Variants in KIF26A observed in about 807,000 individuals in gnomAD.
KIF26A encodes kinesin-like protein KIF26A.
KIF26A carries 74 observed loss-of-function variants against 126.0 expected under a neutral mutation model. The ratio of observed to expected loss-of-function variants is 0.59; its 90% CI spans 0.49 to 0.71. The LOEUF is 0.71. Among genes scored for constraint, KIF26A ranks in the 30% least tolerant of loss-of-function variants. KIF26A has a pLI of 0.00. For missense variants in KIF26A, 2,984 were observed against 2,763.3 expected (o/e 1.08, Z -1.79); for synonymous variants, 1,445 against 1,232.7 (o/e 1.17, Z -3.61).
rs2038002254 is a variant in KIF26A, at chr14:104,175,076, C to A, written c.2288C>A (p.Ala763Asp). 1.3e-6 allele frequency: 2 copies of A among 1,592,990 alleles called. No individual in the cohort carries two copies. Among genetic ancestry groups the A allele is most frequent in the Admixed American group, 1.7e-5 (1 of 57,572 alleles). ...CGGCCCTTCCACCCACGCACTGTGG[C>A]CCTGGACCCCGACCGCACGCCTCCC... Reference protein sequence around the residue: ...HLRPFHPRTVALDPDRTPPCL... With the variant: ...HLRPFHPRTVDLDPDRTPPCL... The change falls in exon 12 of 15, where the codon GCC (alanine) becomes GAC (aspartate). Residue 763 changes from alanine to aspartate, a missense_variant. Transcript: ENST00000423312.
chr14:104,147,270 CAG>C (rs1019654827), intron 2 of KIF26A, among the ~76,000 whole-genome samples: 13 of 152,172 alleles, frequency 8.5e-5, no homozygotes, highest in Non-Finnish European at 1.8e-4. Context: ...CGATGGAGGA[CAG>C]GGGAGGCCAT....
intron 2 of KIF26A, among the ~76,000 whole-genome samples, chr14:104,141,629 C>T (rs3892657): frequency 0.092 from 13,495 of 146,674 alleles, 669 homozygotes; most frequent in Middle Eastern, 0.15. Flanking sequence ...CTGCCTGTCT[C>T]CGTTGTAGAG....
At chr14:104,140,913 T>C (rs1270523761) in intron 2 of KIF26A, among the ~76,000 whole-genome samples, 1 of 152,188 alleles carries the variant, frequency 6.6e-6, no homozygotes, top group Non-Finnish European at 1.5e-5. Context: ...TTCTTCTGCT[T>C]TGTGGTCTCC....
chr14:104,175,938 G>A lies in KIF26A; in HGVS notation c.3150G>A (p.Arg1050=). 6.4e-7 allele frequency: 1 copy of A among 1,558,930 alleles called. No individual in the cohort carries two copies. The highest frequency in any genetic ancestry group is 8.6e-7 in the Non-Finnish European group (1 of 1,158,314). ...LSLGALAGAG[R]PTSLASFDSD... is the part of the protein sequence containing the mutation. The stretch of plus-strand genomic sequence containing the variant: ...TGGGGGCGCTTGCCGGAGCTGGGCG[G>A]CCCACCAGCCTGGCTAGCTTCGACA... The change falls in exon 12 of 15, where the codon CGG becomes CGA. Residue 1050 remains arginine, a synonymous_variant. Coordinates refer to ENST00000423312, the MANE Select transcript of KIF26A (RefSeq NM_015656.2).
Position 104,173,327 on chromosome 14 carries a change from C to A in KIF26A, c.1684-3C>A. 6.2e-7 allele frequency: 1 copy of A among 1,605,802 alleles called. No individual in the cohort carries two copies. Among genetic ancestry groups the A allele is most frequent in the South Asian group, 1.1e-5 (1 of 90,528 alleles). The stretch of plus-strand genomic sequence containing the variant: ...GACGCCGCTGCCTCTGCCTTTCCTG[C>A]AGCTCCAGAACCAAAGCGAGCTGCG... On this transcript the variant is annotated splice_region_variant and splice_polypyrimidine_tract_variant and intron_variant, in intron 8 of 14. Coordinates refer to ENST00000423312, the MANE Select transcript of KIF26A (RefSeq NM_015656.2).
intron 4 of KIF26A, among the ~76,000 whole-genome samples, chr14:104,165,298 C>T (rs1338212459): frequency 3.5e-5 from 5 of 142,434 alleles, no homozygotes; most frequent in Non-Finnish European, 7.6e-5. Context: ...TCTCTGTATG[C>T]ATGTGTGTCT....
At chr14:104,145,977 G>A (rs2141090448) in intron 2 of KIF26A, among the ~76,000 whole-genome samples, 1 of 152,360 alleles carries the variant, frequency 6.6e-6, no homozygotes, top group East Asian at 1.9e-4. Flanking sequence ...GGGTGGGACT[G>A]GGGCCACCCC....
chr14:104,170,155 T>C (rs1003880556), intron 5 of KIF26A, among the ~76,000 whole-genome samples: 2 of 152,194 alleles, frequency 1.3e-5, no homozygotes, highest in African/African-American at 4.8e-5. Context: ...AGGAAGTCTC[T>C]CAAATCTGCA....
chr14:104,144,261 C>T (rs1263351930), intron 2 of KIF26A, among the ~76,000 whole-genome samples: 1 of 152,142 alleles, frequency 6.6e-6, no homozygotes, highest in Non-Finnish European at 1.5e-5. Context: ...GAACACCAGC[C>T]AGAAGCAGAG....
chr14:104,179,781 G>T lies in KIF26A; in HGVS notation c.5640G>T (p.Val1880=). ...CTGCCATCCCGGGGCCGCAGGAGGT[G>T]GACGTCTGAGGCTGGGCGCCGGACA... ...ASAAIPGPQE[V]DV The change falls in exon 15 of 15, where the codon GTG becomes GTT. Residue 1880 remains valine, a synonymous_variant. Coordinates refer to ENST00000423312, the MANE Select transcript of KIF26A (RefSeq NM_015656.2). 6.5e-7 allele frequency: 1 copy of T among 1,534,932 alleles called. No homozygotes were observed.
chr14:104,172,282 G>T (rs1322807250), intron 6 of KIF26A, among the ~76,000 whole-genome samples: 1 of 152,238 alleles, frequency 6.6e-6, no homozygotes, highest in Non-Finnish European at 1.5e-5. Context: ...GTGGCTGCGT[G>T]TGCGTCTCTC....
At chr14:104,146,593 G>A (rs950014332) in intron 2 of KIF26A, among the ~76,000 whole-genome samples, 17 of 152,036 alleles carry the variant, frequency 1.1e-4, no homozygotes, top group Non-Finnish European at 1.6e-4. Context: ...GGGAAGAAGT[G>A]GGGGCAGCCA....
At chr14:104,178,462 C>T (rs1001648671) in intron 12 of KIF26A, 88 bp from the exon 13 acceptor site, 2 of 1,011,960 alleles carry the variant, frequency 2.0e-6, no homozygotes, top group South Asian at 2.2e-5. Flanking sequence ...CCTGTCAGGA[C>T]TCGGGCCGGC....
Position 104,177,640 on chromosome 14 carries a change from G to C in KIF26A, c.4852G>C (p.Ala1618Pro). 1 of 1,525,036 alleles carries C rather than the reference G, an allele frequency of 6.6e-7. No homozygotes were observed. The highest frequency in any genetic ancestry group is 2.0e-5 in the Admixed American group (1 of 49,794). 94.5% of individuals were successfully genotyped at this position (1,525,036 alleles called of 1,614,324 possible). A position where few individuals can be genotyped will look rare whatever the true frequency, so the allele number is the denominator to read the frequency against. Residue 1618 changes from alanine (A) to proline (P), a missense_variant, in exon 12 of 15, where the codon GCC (alanine) becomes CCC (proline). Ala to Pro is a conservative substitution (Grantham distance 27). Transcript: ENST00000423312. Reference sequence around the variant, plus strand: ...GCCCTCCCCCTACAGCAAGGTGACCGCCCCACGGCGGCCCCAGCGCTACAG... The same window carrying C: ...GCCCTCCCCCTACAGCAAGGTGACCCCCCCACGGCGGCCCCAGCGCTACAG... Reference protein sequence around the residue: ...ALPSPYSKVTAPRRPQRYSSG... With the variant: ...ALPSPYSKVTPPRRPQRYSSG...
chr14:104,167,802 G>A (rs1441613950), intron 5 of KIF26A, among the ~76,000 whole-genome samples: 2 of 151,914 alleles, frequency 1.3e-5, no homozygotes, highest in Non-Finnish European at 2.9e-5. Flanking sequence ...CCTGCCCCTC[G>A]GCCTGCTCTG....
At position 104,174,263 on chromosome 14, in the gene KIF26A, G is replaced by A. The variant is rs370868498; in HGVS notation, c.2146G>A (p.Val716Met). 222 of 1,567,098 alleles carry A rather than the reference G, an allele frequency of 1.4e-4. No individual in the cohort carries two copies. Among genetic ancestry groups the A allele is most frequent in the Middle Eastern group, 4.0e-4 (2 of 5,018 alleles). Reference protein sequence around the residue: ...PAQHAETLSTVQLAARIHRLR... With the variant: ...PAQHAETLSTMQLAARIHRLR... The stretch of plus-strand genomic sequence containing the variant: ...CCAGCACGCAGAGACACTCAGCACC[G>A]TGCAGCTCGCCGCCCGCATCCACCG... The change falls in exon 11 of 15, where the codon GTG becomes ATG. Residue 716 changes from valine (V) to methionine (M), a missense_variant. Physicochemically the swap from Val to Met is conservative, Grantham distance 21 (BLOSUM62 1). Transcript: ENST00000423312.
In KIF26A at chr14:104,176,012, T is replaced by TCATCAGCAG. The variant is rs1245724353; in HGVS notation, c.3230_3238dup (p.Ser1077_Ile1079dup). ...GCCTCGGGGTCCCGGCCAGTCAGCA[T>TCATCAGCAG]CATCAGCAGCATCAATGATGAGTTT... is the stretch of plus-strand genomic sequence containing the variant. On this transcript the variant is annotated inframe_insertion, in exon 12 of 15. Transcript: ENST00000423312. 2 of 1,589,866 alleles carry TCATCAGCAG rather than the reference T, an allele frequency of 1.3e-6. No homozygotes were observed. The highest frequency in any genetic ancestry group is 1.1e-5 in the South Asian group (1 of 88,934).
rs529273250 is a variant in KIF26A at position 104,150,885 on chromosome 14, G to A, written c.289-1130G>A. ...GCCACAGCAGCGCTGGGCTGGTGCTGTCCTGGGGGTTGCCCGGGCTGGGTG... is the reference window on the plus strand; with the variant it reads ...GCCACAGCAGCGCTGGGCTGGTGCTATCCTGGGGGTTGCCCGGGCTGGGTG... On this transcript the variant is annotated intron_variant, in intron 2 of 14. Transcript: ENST00000423312. 7.9e-5 allele frequency among the ~76,000 whole-genome samples: 12 copies of A among 152,294 alleles called. No individual in the cohort carries two copies. The South Asian group carries it at 2.5e-3, about 32-fold the overall frequency.
In KIF26A at chr14:104,179,603, C is replaced by T. The variant is rs1248513536; in HGVS notation, c.5468-6C>T. 2.6e-6 allele frequency: 4 copies of T among 1,518,890 alleles called. No individual in the cohort carries two copies. The highest frequency in any genetic ancestry group is 1.4e-5 in the African/African-American group (1 of 72,372). The allele number at this position is 1,518,890 out of a possible 1,614,324, so 94.1% of individuals were successfully genotyped here. On this transcript the variant is annotated splice_region_variant and splice_polypyrimidine_tract_variant and intron_variant, in intron 14 of 14. Transcript: ENST00000423312. ...AGGTGCCCCTCCCCTCTCCTCCCCT[C>T]CCCAGTTGAGGTGGACCCGGAGCTG...
Sources: allele counts gnomAD v4.1 joint callset (sites outside exome capture counted in the v4.1 genomes callset), GRCh38; gene constraint gnomAD v4.1.1; transcripts MANE v1.5; gene names NCBI Gene and HGNC (gene_info 2026-07-23, HGNC 2026-07-21).